Variants in RCC2 observed in about 807,000 individuals in gnomAD.
RCC2 encodes the protein regulator of chromosome condensation 2, also known as protein RCC2.
Under a neutral mutation model 64.1 loss-of-function variants are expected in RCC2, and 19 were observed. That is an observed-to-expected ratio of 0.30 (90% CI 0.21 to 0.44). The LOEUF (loss-of-function observed/expected upper bound fraction) is 0.44, where lower values mean the gene tolerates loss of function less well. Among genes scored for constraint, RCC2 ranks in the 20% least tolerant of loss-of-function variants. The pLI, the probability that RCC2 is intolerant of heterozygous loss-of-function variation, is 1.00. For missense variants in RCC2, 508 were observed against 710.4 expected, an observed-to-expected ratio of 0.72 and a Z score of 3.24; for synonymous variants, 325 against 279.6, an observed-to-expected ratio of 1.16 and a Z score of -1.62.
intron 2 of RCC2, among the ~76,000 whole-genome samples, chr1:17,437,886 G>A (rs2075756054): frequency 6.9e-6 from 1 of 145,432 alleles, no homozygotes; most frequent in African/African-American, 2.5e-5. Context: ...CCCTTTCCCG[G>A]GGCGGGGGGG....
chr1:17,421,233 G>A (rs967761711), intron 6 of RCC2, among the ~76,000 whole-genome samples: 12 of 151,928 alleles, frequency 7.9e-5, no homozygotes, highest in African/African-American at 1.7e-4. Context: ...TCCTGGGCGC[G>A]GTGGCTCACA....
At chr1:17,438,740 A>G (rs2075772861) in intron 1 of RCC2, among the ~76,000 whole-genome samples, 1 of 151,940 alleles carries the variant, frequency 6.6e-6, no homozygotes, top group African/African-American at 2.4e-5. Flanking sequence ...GGCAGCCGGG[A>G]GCCCCAGAGG....
chr1:17,422,800 G>A lies in RCC2; in HGVS notation c.560C>T (p.Thr187Ile). Reference sequence around the variant, plus strand: ...GAGTCTAGGGGCTTCTACTCTCTTGGTGTCACCATGTCCCAGCTGCCCCTT... The same window carrying A: ...GAGTCTAGGGGCTTCTACTCTCTTGATGTCACCATGTCCCAGCTGCCCCTT... Reference protein sequence around the residue: ...NEKGQLGHGDTKRVEAPRLIE... With the variant: ...NEKGQLGHGDIKRVEAPRLIE... The change falls in exon 5 of 13, where the codon ACC becomes ATC. Residue 187 changes from threonine to isoleucine, a missense_variant. Physicochemically the swap from Thr to Ile is moderately conservative, Grantham distance 89 (BLOSUM62 -1). Around this residue, in one of 4 missense-constraint regions of RCC2, gnomAD observed 132 missense variants for 207.3 expected, o/e 0.64. Transcript: ENST00000375436. 1 of 1,613,904 alleles carries A rather than the reference G, an allele frequency of 6.2e-7. No individual in the cohort carries two copies.
intron 2 of RCC2, among the ~76,000 whole-genome samples, chr1:17,431,628 A>C (rs190291043): frequency 6.6e-6 from 1 of 151,900 alleles, no homozygotes; most frequent in Admixed American, 6.6e-5. Flanking sequence ...CGCATTTCTA[A>C]GATTACACAT....
chr1:17,414,083 A>G (rs2075455374), intron 8 of RCC2, among the ~76,000 whole-genome samples: 1 of 152,240 alleles, frequency 6.6e-6, no homozygotes, highest in South Asian at 2.1e-4. Context: ...GCATTCAATA[A>G]GCCCAGTTTG....
At chr1:17,437,636 C>T in intron 2 of RCC2, among the ~76,000 whole-genome samples, 1 of 4,428 alleles carries the variant, frequency 2.3e-4, no homozygotes, top group East Asian at 0.036. Flanking sequence ...ACCGCTCAGC[C>T]GGGGGGCTTC....
chr1:17,424,205 T>TA (rs1229464835), intron 4 of RCC2, among the ~76,000 whole-genome samples: 3 of 152,208 alleles, frequency 2.0e-5, no homozygotes, highest in Non-Finnish European at 4.4e-5. Flanking sequence ...CCCTGCCTTC[T>TA]AGAGTGGCGA....
rs2075396504 is a variant in RCC2, at chr1:17,409,050, T to G, written c.*40A>C. The stretch of plus-strand genomic sequence containing the variant: ...TCCCAGTGCACATGGAAATGACAGC[T>G]GCCGCGAGAGGTGTGGAGTCGGAGG... On this transcript the variant is annotated 3_prime_UTR_variant, in exon 13 of 13. Coordinates refer to ENST00000375436, the MANE Select transcript of RCC2 (RefSeq NM_018715.4). 1 of 1,397,880 alleles carries G rather than the reference T, an allele frequency of 7.2e-7. No individual in the cohort carries two copies. Among genetic ancestry groups the G allele is most frequent in the African/African-American group, 1.4e-5 (1 of 70,712 alleles). The allele number at this position is 1,397,880 out of a possible 1,614,324, so 86.6% of individuals were successfully genotyped here.
intron 2 of RCC2, among the ~76,000 whole-genome samples, chr1:17,432,468 A>G (rs2075692043): frequency 6.6e-6 from 1 of 152,238 alleles, no homozygotes; most frequent in Non-Finnish European, 1.5e-5. Flanking sequence ...CCTAGAAAAG[A>G]GCCCTGGAAT....
chr1:17,432,987 AAAAT>A (rs1363267805), intron 2 of RCC2, among the ~76,000 whole-genome samples: 2 of 151,772 alleles, frequency 1.3e-5, no homozygotes, highest in African/African-American at 2.4e-5. Flanking sequence ...GAAAAAGAAA[AAAAT>A]ATATATATAC....
chr1:17,414,462 G>A (rs1031125547), intron 8 of RCC2, among the ~76,000 whole-genome samples: 5 of 150,960 alleles, frequency 3.3e-5, no homozygotes, highest in Non-Finnish European at 5.9e-5. Flanking sequence ...CCTGGGAGGC[G>A]GAGGCTGCAG....
chr1:17,429,847 TC>T lies in RCC2; in HGVS notation c.286-649del, dbSNP rs34342465. Among the ~76,000 whole-genome samples the T allele has an allele frequency of 2.6e-5, 4 of 152,206 alleles. No homozygotes were observed. In the East Asian group the frequency reaches 7.7e-4, roughly 29 times the overall value. On this transcript the variant is annotated intron_variant, in intron 2 of 12. Coordinates refer to ENST00000375436, the MANE Select transcript of RCC2 (RefSeq NM_018715.4). ...AGCCAATGGTGAGTGAAACAGGACCTCCCAGGGGCCCGGCTCTCAAGGAACA... is the reference window on the plus strand; with the variant it reads ...AGCCAATGGTGAGTGAAACAGGACCTCCAGGGGCCCGGCTCTCAAGGAACA...
intron 2 of RCC2, among the ~76,000 whole-genome samples, chr1:17,434,069 C>G (rs1386119228): frequency 6.6e-6 from 1 of 152,240 alleles, no homozygotes; most frequent in African/African-American, 2.4e-5. Flanking sequence ...GCTGCCTTTA[C>G]TTGCTTTAGG....
Position 17,416,579 on chromosome 1 carries a change from G to A in RCC2, c.927C>T (p.Pro309=). ...TCTCAATGAAGATGGCCACTCGCCGGGGAACTAGTTCACAGTCGTACTCTA... is the reference window on the plus strand; with the variant it reads ...TCTCAATGAAGATGGCCACTCGCCGAGGAACTAGTTCACAGTCGTACTCTA... ...QRIEYDCELV[P]RRVAIFIEKT... The change falls in exon 8 of 13, where the codon CCC becomes CCT. Residue 309 remains proline, a synonymous_variant. Coordinates refer to ENST00000375436, the MANE Select transcript of RCC2 (RefSeq NM_018715.4). The A allele has an allele frequency of 1.2e-6, 2 of 1,614,038 alleles. No individual in the cohort carries two copies. The highest frequency in any genetic ancestry group is 1.7e-6 in the Non-Finnish European group (2 of 1,180,038).
chr1:17,428,186 C>T (rs529964096), intron 3 of RCC2, among the ~76,000 whole-genome samples: 1 of 152,340 alleles, frequency 6.6e-6, no homozygotes, highest in African/African-American at 2.4e-5. Flanking sequence ...AGAAATGATG[C>T]AACACGGGCA....
intron 8 of RCC2, among the ~76,000 whole-genome samples, chr1:17,415,148 T>C (rs1191585203): frequency 1.3e-5 from 2 of 152,258 alleles, no homozygotes; most frequent in Non-Finnish European, 2.9e-5. Flanking sequence ...AAGAGCCAAC[T>C]TTATTTCCCC....
intron 2 of RCC2, among the ~76,000 whole-genome samples, chr1:17,430,766 C>T (rs2075667071): frequency 6.6e-6 from 1 of 151,164 alleles, no homozygotes; most frequent in Admixed American, 6.6e-5. Context: ...CCCAGTGTTG[C>T]TGCCCAGGCT....
chr1:17,409,057 A>G lies in RCC2; in HGVS notation c.*33T>C, dbSNP rs1454613176. The stretch of plus-strand genomic sequence containing the variant: ...GCACATGGAAATGACAGCTGCCGCG[A>G]GAGGTGTGGAGTCGGAGGAGTCTCC... On this transcript the variant is annotated 3_prime_UTR_variant, in exon 13 of 13. Transcript: ENST00000375436. 6.3e-6 allele frequency: 9 copies of G among 1,431,610 alleles called. No homozygotes were observed. Among genetic ancestry groups the G allele is most frequent in the Non-Finnish European group, 8.9e-6 (9 of 1,013,646 alleles). The allele number at this position is 1,431,610 out of a possible 1,614,324, so 88.7% of individuals were successfully genotyped here.
At chr1:17,439,242 C>T (rs1259913619) in intron 1 of RCC2, among the ~76,000 whole-genome samples, 1 of 151,678 alleles carries the variant, frequency 6.6e-6, no homozygotes, top group Non-Finnish European at 1.5e-5. Flanking sequence ...CCCTTGCCGG[C>T]CGTGCGGCCC....
Sources: gnomAD v4.1 joint callset for allele counts (sites outside exome capture counted in the v4.1 genomes callset) on GRCh38, gnomAD v4.1.1 for gene constraint, gnomAD v4.1.1 regional missense constraint, MANE v1.5 for transcripts, NCBI Gene and HGNC (gene_info 2026-07-23, HGNC 2026-07-21) for gene names.